RBM15: variants seen among roughly 807,000 people sequenced by gnomAD.
RBM15 encodes RNA binding motif protein 15, also known as RNA-binding protein 15.
RBM15 carries 8 observed loss-of-function variants against 62.6 expected under a neutral mutation model. The ratio of observed to expected loss-of-function variants is 0.13; its 90% confidence interval spans 0.07 to 0.23. The LOEUF is 0.23. Ranked by LOEUF, RBM15 falls within the 10% of genes least tolerant of loss-of-function variation. RBM15 has a pLI of 1.00. For synonymous variants in RBM15, 606 were observed against 505.7 expected, an observed-to-expected ratio of 1.20 and a Z score of -2.66; for missense variants, 1,144 against 1,286.5, an observed-to-expected ratio of 0.89 and a Z score of 1.69.
In RBM15 at chr1:110,340,219, G is replaced by A; in HGVS notation, c.814G>A (p.Val272Met). 1 of 1,614,234 alleles carries A rather than the reference G, an allele frequency of 6.2e-7. No homozygotes were observed. Among genetic ancestry groups the A allele is most frequent in the East Asian group, 2.2e-5 (1 of 44,888 alleles). The stretch of plus-strand genomic sequence containing the variant: ...AGATACTTATCCTCCATCAGCCAGT[G>A]TGGTCGGGGCCTCTGTAGGTGGTCA... ...DKDTYPPSAS[V>M]VGASVGGHRH... Residue 272 changes from valine (V) to methionine (M), a missense_variant, in exon 1 of 3, where the codon GTG (valine) becomes ATG (methionine). Physicochemically the swap from Val to Met is conservative, Grantham distance 21. Coordinates refer to ENST00000369784, the MANE Select transcript of RBM15 (RefSeq NM_022768.5). The surrounding 1 kb of genome is among the most constrained non-coding windows in gnomAD (Gnocchi z 5.8).
intron 1 of RBM15, among the ~76,000 whole-genome samples, chr1:110,343,751 T>C (rs1280469078): frequency 6.6e-6 from 1 of 152,240 alleles, no homozygotes; most frequent in Non-Finnish European, 1.5e-5. Context: ...ATCATGGTCA[T>C]GTTTCTGTTC....
Position 110,340,255 on chromosome 1 carries a change from C to G in RBM15, c.850C>G (p.Pro284Ala), listed in dbSNP as rs761222902. ...GASVGGHRHP[P>A]GGGGGQRSLS... ...CTCTGTAGGTGGTCACCGGCACCCC[C>G]CTGGAGGTGGTGGAGGCCAGAGATC... The change falls in exon 1 of 3, where the codon CCT becomes GCT. Residue 284 changes from proline (P) to alanine (A), a missense_variant. By Grantham distance (27) the Pro-to-Ala change is conservative. Around this residue, in one of 8 missense-constraint regions of RBM15, gnomAD observed 188 missense variants for 185.6 expected, o/e 1.01. Transcript: ENST00000369784. This position sits in a 1 kb window ranked among gnomAD's most constrained non-coding sequence, Gnocchi z 5.8. 2.2e-5 allele frequency: 36 copies of G among 1,614,230 alleles called. No individual in the cohort carries two copies. The highest frequency in any genetic ancestry group is 2.9e-5 in the Non-Finnish European group (34 of 1,180,038).
At position 110,341,256 on chromosome 1, in the gene RBM15, G is replaced by A; in HGVS notation, c.1851G>A (p.Arg617=). The A allele has an allele frequency of 6.2e-7, 1 of 1,614,128 alleles. No homozygotes were observed. The highest frequency in any genetic ancestry group is 8.5e-7 in the Non-Finnish European group (1 of 1,180,028). ...AYEPLDSLDR[R]RDGWSLDRDR... ...AGCCACTGGATAGCCTAGATCGCAG[G>A]CGGGATGGTTGGTCCTTGGACCGGG... The change falls in exon 1 of 3, where the codon AGG becomes AGA. Residue 617 remains arginine (R), a synonymous_variant. Coordinates refer to ENST00000369784, the MANE Select transcript of RBM15 (RefSeq NM_022768.5). The surrounding 1 kb of genome is among the most constrained non-coding windows in gnomAD (Gnocchi z 4.5).
chr1:110,340,195 G>A lies in RBM15; in HGVS notation c.790G>A (p.Asp264Asn), dbSNP rs1025146486. The A allele has an allele frequency of 6.2e-7, 1 of 1,614,144 alleles. No individual in the cohort carries two copies. Among genetic ancestry groups the A allele is most frequent in the Non-Finnish European group, 8.5e-7 (1 of 1,179,982 alleles). Residue 264 changes from aspartate to asparagine, a missense_variant, in exon 1 of 3, where the codon GAT becomes AAT. Physicochemically the swap from Asp to Asn is conservative, Grantham distance 23. Coordinates refer to ENST00000369784, the MANE Select transcript of RBM15 (RefSeq NM_022768.5). This position sits in a 1 kb window ranked among gnomAD's most constrained non-coding sequence, Gnocchi z 5.8. The part of the protein sequence containing the change: ...RRRSRSPLDK[D>N]TYPPSASVVG... ...CCGCAGCCGCTCCCCTTTAGACAAAGATACTTATCCTCCATCAGCCAGTGT... is the reference window on the plus strand; with the variant it reads ...CCGCAGCCGCTCCCCTTTAGACAAAAATACTTATCCTCCATCAGCCAGTGT...
Position 110,340,004 on chromosome 1 carries a change from T to C in RBM15, c.599T>C (p.Val200Ala), listed in dbSNP as rs1454026358. ...LFHEFKRFGD[V>A]SVKISHLSGS... The stretch of plus-strand genomic sequence containing the variant: ...CATGAGTTCAAACGCTTCGGTGATG[T>C]AAGTGTGAAAATCAGTCATCTGTCG... The change falls in exon 1 of 3, where the codon GTA (valine) becomes GCA (alanine). Residue 200 changes from valine (V) to alanine (A), a missense_variant. By Grantham distance (64) the Val-to-Ala change is moderately conservative. This residue lies in a region of RBM15 where 188 missense variants were observed against 185.6 expected (regional missense o/e 1.01). Coordinates refer to ENST00000369784, the MANE Select transcript of RBM15 (RefSeq NM_022768.5). The surrounding 1 kb of genome is among the most constrained non-coding windows in gnomAD (Gnocchi z 5.8). 6.2e-7 allele frequency: 1 copy of C among 1,614,076 alleles called. No individual in the cohort carries two copies. The highest frequency in any genetic ancestry group is 1.1e-5 in the South Asian group (1 of 91,080).
At chr1:110,345,679 AAG>A (rs1660884011) in intron 2 of RBM15, 30 bp downstream of exon 2, 2 of 1,353,902 alleles carry the variant, frequency 1.5e-6, no homozygotes, top group South Asian at 2.6e-5. Flanking sequence ...AAGCTGAATG[AAG>A]AGTTTTATAT....
In RBM15 at chr1:110,339,749, G is replaced by A. The variant is rs1660746619; in HGVS notation, c.344G>A (p.Gly115Asp). The change falls in exon 1 of 3, where the codon GGT becomes GAT. Residue 115 changes from glycine (G) to aspartate (D), a missense_variant. Transcript: ENST00000369784. ...SRGGSREYDT[G>D]GGSSSSRLHS... ...GGTGGCAGCCGCGAGTATGATACCG[G>A]TGGGGGCAGCTCCAGTAGCCGCTTG... is the stretch of plus-strand genomic sequence containing the variant. The A allele has an allele frequency of 6.2e-7, 1 of 1,612,270 alleles. No individual in the cohort carries two copies. Among genetic ancestry groups the A allele is most frequent in the Non-Finnish European group, 8.5e-7 (1 of 1,179,322 alleles).
Position 110,341,073 on chromosome 1 carries a change from G to C in RBM15, c.1668G>C (p.Arg556=). Residue 556 remains arginine, a synonymous_variant, in exon 1 of 3, where the codon CGG becomes CGC. Transcript: ENST00000369784. This position sits in a 1 kb window ranked among gnomAD's most constrained non-coding sequence, Gnocchi z 4.5. ...TGGTGACAGATGCTTTTGGACATCGGGCACCAGACCCTTTGAGGGGTGCTC... is the reference window on the plus strand; with the variant it reads ...TGGTGACAGATGCTTTTGGACATCGCGCACCAGACCCTTTGAGGGGTGCTC... The part of the protein sequence containing the change: ...YELVTDAFGH[R]APDPLRGARD... 1.2e-6 allele frequency: 2 copies of C among 1,614,106 alleles called. No individual in the cohort carries two copies. The highest frequency in any genetic ancestry group is 1.7e-6 in the Non-Finnish European group (2 of 1,180,020).
chr1:110,341,579 C>T lies in RBM15; in HGVS notation c.2174C>T (p.Ala725Val). ...DKRDRKNSAS[A>V]ERDRKHRTTA... ...CGAGACCGTAAAAACTCTGCATCAG[C>T]TGAACGAGATAGGAAGCACCGGACA... The change falls in exon 1 of 3, where the codon GCT (alanine) becomes GTT (valine). Residue 725 changes from alanine (A) to valine (V), a missense_variant. Around this residue, in one of 8 missense-constraint regions of RBM15, gnomAD observed 360 missense variants for 342.9 expected, o/e 1.05. Coordinates refer to ENST00000369784, the MANE Select transcript of RBM15 (RefSeq NM_022768.5). The surrounding 1 kb of genome is among the most constrained non-coding windows in gnomAD (Gnocchi z 4.5). 1 of 1,614,124 alleles carries T rather than the reference C, an allele frequency of 6.2e-7. No homozygotes were observed. The highest frequency in any genetic ancestry group is 8.5e-7 in the Non-Finnish European group (1 of 1,180,040).
chr1:110,342,364 CT>C, intron 1 of RBM15, 96 bp downstream of exon 1: 1 of 966,690 alleles, frequency 1.0e-6, no homozygotes, highest in Non-Finnish European at 1.5e-6. Flanking sequence ...ATGCAATTTT[CT>C]TTTTAGTTGT....
rs902141648 is a variant in RBM15 at position 110,346,497 on chromosome 1, G to A, written c.*230G>A. On this transcript the variant is annotated 3_prime_UTR_variant, in exon 3 of 3. Coordinates refer to ENST00000369784, the MANE Select transcript of RBM15 (RefSeq NM_022768.5). ...ATCTGCTATTGTGATGCCAATGCCG[G>A]TGTTTTAAGTGGAAAAAAAATGACC... 7.9e-6 allele frequency: 6 copies of A among 755,940 alleles called. No individual in the cohort carries two copies. Among genetic ancestry groups the A allele is most frequent in the East Asian group, 2.5e-5 (1 of 40,624 alleles). The allele number at this position is 755,940 out of a possible 1,614,324, so 46.8% of individuals were successfully genotyped here. A position where few individuals can be genotyped will look rare whatever the true frequency, so the allele number is the denominator to read the frequency against.
rs755652290 is a variant in RBM15 at position 110,339,703 on chromosome 1, C to T, written c.298C>T (p.Leu100=). The change falls in exon 1 of 3, where the codon CTG becomes TTG. Residue 100 remains leucine, a synonymous_variant. Coordinates refer to ENST00000369784, the MANE Select transcript of RBM15 (RefSeq NM_022768.5). ...CGGTGGGTCGCGGCGGAGTCTCCACCTGGACAAGTCCAGCAGTCGAGGTGG... is the reference window on the plus strand; with the variant it reads ...CGGTGGGTCGCGGCGGAGTCTCCACTTGGACAAGTCCAGCAGTCGAGGTGG... ...SGGGSRRSLH[L]DKSSSRGGSR... 3 of 1,613,018 alleles carry T rather than the reference C, an allele frequency of 1.9e-6. No individual in the cohort carries two copies. The highest frequency in any genetic ancestry group is 1.7e-6 in the Non-Finnish European group (2 of 1,179,906).
At position 110,346,499 on chromosome 1, in the gene RBM15, G is replaced by C. The variant is rs1660901755; in HGVS notation, c.*232G>C. 1.3e-6 allele frequency: 1 copy of C among 753,244 alleles called. No individual in the cohort carries two copies. The highest frequency in any genetic ancestry group is 2.3e-5 in the Admixed American group (1 of 43,188). The allele number at this position is 753,244 out of a possible 1,614,324, so 46.7% of individuals were successfully genotyped here. On this transcript the variant is annotated 3_prime_UTR_variant, in exon 3 of 3. Coordinates refer to ENST00000369784, the MANE Select transcript of RBM15 (RefSeq NM_022768.5). Reference sequence around the variant, plus strand: ...CTGCTATTGTGATGCCAATGCCGGTGTTTTAAGTGGAAAAAAAATGACCTC... The same window carrying C: ...CTGCTATTGTGATGCCAATGCCGGTCTTTTAAGTGGAAAAAAAATGACCTC...
In RBM15 at chr1:110,340,778, G is replaced by A. The variant is rs1660778474; in HGVS notation, c.1373G>A (p.Trp458Ter). ...AAAGCTACACCCACCACCCGCCTCT[G>A]GGTGGGAGGCCTGGGACCTTGGGTT... is the stretch of plus-strand genomic sequence containing the variant. ...YGKATPTTRL[W>*]VGGLGPWVPL... The change falls in exon 1 of 3, where the codon TGG becomes TAG. Residue 458 changes from tryptophan (W) to a stop codon, truncating the protein, a stop_gained. Coordinates refer to ENST00000369784, the MANE Select transcript of RBM15 (RefSeq NM_022768.5). LOFTEE classifies it high-confidence loss of function. This position sits in a 1 kb window ranked among gnomAD's most constrained non-coding sequence, Gnocchi z 5.8. The A allele has an allele frequency of 6.2e-7, 1 of 1,614,156 alleles. No individual in the cohort carries two copies. Among genetic ancestry groups the A allele is most frequent in the African/African-American group, 1.3e-5 (1 of 75,042 alleles).
rs146471115 is a variant in RBM15, at chr1:110,343,179, A to G, written c.2863+911A>G. Among the ~76,000 whole-genome samples, 564 of 152,312 alleles carry G rather than the reference A, an allele frequency of 3.7e-3. 4 individuals are homozygous for G. The highest frequency in any genetic ancestry group is 0.013 in the African/African-American group (542 of 41,558). On this transcript the variant is annotated intron_variant, in intron 1 of 2. Coordinates refer to ENST00000369784, the MANE Select transcript of RBM15 (RefSeq NM_022768.5). ...GTATCAATTCAAATTTCTGGTTTCA[A>G]TAATAGAAAGAAGAGTTGTCTGCAG...
intron 2 of RBM15, 46 bp downstream of exon 2, chr1:110,345,695 T>C (rs1386451180): frequency 4.3e-6 from 5 of 1,168,444 alleles, no homozygotes; most frequent in Non-Finnish European, 6.1e-6. Flanking sequence ...TTTATATGTA[T>C]GGTTTAAACA....
rs539364420 is a variant in RBM15, at chr1:110,343,622, C to T, written c.2863+1354C>T. ...TTTTTTTTTAATCTATCCCCTCTGT[C>T]CCACCCCTAATTTGTCAGGTCATTA... is the stretch of plus-strand genomic sequence containing the variant. On this transcript the variant is annotated intron_variant, in intron 1 of 2. Transcript: ENST00000369784. 9.3e-5 allele frequency among the ~76,000 whole-genome samples: 14 copies of T among 151,314 alleles called. No individual in the cohort carries two copies. In the South Asian group the frequency reaches 2.9e-3, roughly 32 times the overall value.
Position 110,340,789 on chromosome 1 carries a change from C to T in RBM15, c.1384C>T (p.Leu462=). The change falls in exon 1 of 3, where the codon CTG becomes TTG. Residue 462 remains leucine, a synonymous_variant. Coordinates refer to ENST00000369784, the MANE Select transcript of RBM15 (RefSeq NM_022768.5). This position sits in a 1 kb window ranked among gnomAD's most constrained non-coding sequence, Gnocchi z 5.8. ...CACCACCCGCCTCTGGGTGGGAGGCCTGGGACCTTGGGTTCCTCTTGCTGC... is the reference window on the plus strand; with the variant it reads ...CACCACCCGCCTCTGGGTGGGAGGCTTGGGACCTTGGGTTCCTCTTGCTGC... ...TPTTRLWVGG[L]GPWVPLAALA... is the part of the protein sequence containing the mutation. 6.2e-7 allele frequency: 1 copy of T among 1,614,158 alleles called. No homozygotes were observed. The highest frequency in any genetic ancestry group is 8.5e-7 in the Non-Finnish European group (1 of 1,180,018).
intron 2 of RBM15, 48 bp from the exon 3 acceptor site, chr1:110,346,260 A>T (rs753915035): frequency 6.5e-7 from 1 of 1,547,910 alleles, no homozygotes; most frequent in South Asian, 1.1e-5. Flanking sequence ...TATTTTTAAT[A>T]TTGTAAACAT....
Sources: gnomAD v4.1 joint callset for allele counts (sites outside exome capture counted in the v4.1 genomes callset) on GRCh38, gnomAD v4.1.1 for gene constraint, gnomAD v4.1.1 regional missense constraint, Gnocchi (gnomAD v3.1) non-coding constraint, MANE v1.5 for transcripts, NCBI Gene and HGNC (gene_info 2026-07-23, HGNC 2026-07-21) for gene names.